Variants in CREBRF observed in about 807,000 individuals in gnomAD.
CREBRF encodes CREB3 regulatory factor, also known as UPF0474 protein C5orf41.
Under a neutral mutation model 66.1 loss-of-function variants are expected in CREBRF, and 5 were observed. The observed-to-expected ratio is 0.08, with a 90% CI of 0.04 to 0.16. The LOEUF (loss-of-function observed/expected upper bound fraction) is 0.16, where lower values mean the gene tolerates loss of function less well. Among genes scored for constraint, CREBRF ranks in the 10% least tolerant of loss-of-function variants. The pLI is 1.00. For synonymous variants in CREBRF, 229 were observed against 264.4 expected (o/e 0.87, Z 1.30); for missense variants, 531 against 744.9 (o/e 0.71, Z 3.34).
chr5:173,129,198 A>C (rs1277680811), intron 8 of CREBRF, among the ~76,000 whole-genome samples: 14 of 119,096 alleles, frequency 1.2e-4, no homozygotes, highest in Non-Finnish European at 1.4e-4. Context: ...CTCACTGCAA[A>C]CTCCACCTCC....
chr5:173,100,078 TTGTGTGTGTGTG>T (rs749558283), intron 4 of CREBRF, among the ~76,000 whole-genome samples: 26 of 69,134 alleles, frequency 3.8e-4, no homozygotes, highest in South Asian at 9.7e-4. Context: ...GGCTAATCTT[TTGTGTGTGTGTG>T]TGTGTGTGTG....
intron 1 of CREBRF, among the ~76,000 whole-genome samples, chr5:173,066,808 C>CTTTTTTTTTTTTTTT (rs34093582): frequency 1.6e-5 from 1 of 63,072 alleles, no homozygotes; most frequent in Non-Finnish European, 2.8e-5. Context: ...TTCATTGAAT[C>CTTTTTTTTTTTTTTT]TTTTTTTTTT....
At chr5:173,093,935 C>A (rs1470762549) in intron 4 of CREBRF, among the ~76,000 whole-genome samples, 5 of 152,148 alleles carry the variant, frequency 3.3e-5, no homozygotes, top group African/African-American at 9.7e-5. Flanking sequence ...ACCCACCAGC[C>A]CCTGGCAACC....
chr5:173,086,147 T>C (rs1208554629), intron 2 of CREBRF: 9 of 783,664 alleles, frequency 1.1e-5, no homozygotes, highest in East Asian at 2.4e-5. Context: ...TCGTGTAGGA[T>C]ATCAGGAGAC....
At chr5:173,105,225 A>ATGTGTGTGTGTG (rs34768667) in intron 4 of CREBRF, among the ~76,000 whole-genome samples, 2 of 146,546 alleles carry the variant, frequency 1.4e-5, no homozygotes, top group South Asian at 2.2e-4. Flanking sequence ...GTGTGTATAT[A>ATGTGTGTGTGTG]TGTGTGTGTG....
At chr5:173,118,522 A>G (rs982350899) in intron 7 of CREBRF, among the ~76,000 whole-genome samples, 2 of 151,820 alleles carry the variant, frequency 1.3e-5, no homozygotes, top group Admixed American at 1.3e-4. Flanking sequence ...CAATTTTTGC[A>G]TATGGTATAA....
At chr5:173,083,211 C>A (rs1021096778) in intron 2 of CREBRF, among the ~76,000 whole-genome samples, 34 of 149,652 alleles carry the variant, frequency 2.3e-4, no homozygotes, top group Middle Eastern at 3.4e-3. Flanking sequence ...TCTGTCTCTC[C>A]AAAAAAAAAT....
rs762609919 is a variant in CREBRF, at chr5:173,123,132, A to G, written c.1734A>G (p.Val578=). Residue 578 remains valine (V), a synonymous_variant, in exon 8 of 9, where the codon GTA becomes GTG. Transcript: ENST00000296953. ...NSIKQEIVNR[V]QNPRDERGPN... ...TCAAGCAAGAGATTGTAAACCGGGT[A>G]CAGAATCCAAGAGATGAGAGAGGAC... is the stretch of plus-strand genomic sequence containing the variant. 28 of 1,607,360 alleles carry G rather than the reference A, an allele frequency of 1.7e-5. No homozygotes were observed. In the South Asian group the frequency reaches 2.5e-4, roughly 14 times the overall value.
At chr5:173,116,937 G>A (rs1759003876) in intron 7 of CREBRF, among the ~76,000 whole-genome samples, 1 of 151,232 alleles carries the variant, frequency 6.6e-6, no homozygotes, top group Non-Finnish European at 1.5e-5. Flanking sequence ...GTGTGTGATG[G>A]TATCTCATTG....
chr5:173,112,224 C>A, intron 6 of CREBRF, 82 bp from the exon 7 acceptor site: 1 of 971,526 alleles, frequency 1.0e-6, no homozygotes, highest in Non-Finnish European at 1.5e-6. Flanking sequence ...GGCAACATAG[C>A]GAGACCCCTT....
chr5:173,094,483 A>G (rs1282520544), intron 4 of CREBRF, among the ~76,000 whole-genome samples: 1 of 152,162 alleles, frequency 6.6e-6, no homozygotes, highest in African/African-American at 2.4e-5. Flanking sequence ...CCATGCCGAC[A>G]GGTATGAGGT....
chr5:173,059,216 G>A (rs866135167), intron 1 of CREBRF, among the ~76,000 whole-genome samples: 21 of 149,198 alleles, frequency 1.4e-4, no homozygotes, highest in African/African-American at 4.4e-4. Context: ...AACTTTTGCA[G>A]TAAATAAGGG....
In CREBRF at chr5:173,112,468, G is replaced by C. The variant is rs547967340; in HGVS notation, c.1681+89G>C. On this transcript the variant is annotated intron_variant, in intron 7 of 8. Transcript: ENST00000296953. ...CTTTGGTTTGTGATTTGCTTTCGCT[G>C]TATTCTGCCTAGTTTTTGGCTAGCC... 701 of 915,274 alleles carry C rather than the reference G, an allele frequency of 7.7e-4. 1 individual carries two copies. The highest frequency in any genetic ancestry group is 1.1e-3 in the Non-Finnish European group (634 of 590,998). 56.7% of individuals were successfully genotyped at this position (915,274 alleles called of 1,614,324 possible). A position where few individuals can be genotyped will look rare whatever the true frequency, so the allele number is the denominator to read the frequency against.
chr5:173,120,626 C>T (rs1410022625), intron 7 of CREBRF, among the ~76,000 whole-genome samples: 1 of 150,790 alleles, frequency 6.6e-6, no homozygotes, highest in African/African-American at 2.4e-5. Context: ...AGTGATCCAC[C>T]CATCTCGGCC....
At chr5:173,096,731 C>T (rs568792179) in intron 4 of CREBRF, among the ~76,000 whole-genome samples, 10 of 151,678 alleles carry the variant, frequency 6.6e-5, no homozygotes, top group East Asian at 1.9e-4. Flanking sequence ...TGTTGAGGTA[C>T]GTTCCTTTTA....
chr5:173,072,315 G>T (rs532790729), intron 1 of CREBRF, among the ~76,000 whole-genome samples: 3 of 150,992 alleles, frequency 2.0e-5, no homozygotes, highest in Non-Finnish European at 2.9e-5. Flanking sequence ...TTGCTCTGTC[G>T]CCCAGGCTGG....
intron 1 of CREBRF, among the ~76,000 whole-genome samples, chr5:173,072,911 G>T (rs766123153): frequency 2.0e-5 from 3 of 152,162 alleles, no homozygotes; most frequent in Non-Finnish European, 4.4e-5. Flanking sequence ...TTGTTAAAAA[G>T]AATTGGTATG....
At chr5:173,113,757 G>A (rs1490485372) in intron 7 of CREBRF, among the ~76,000 whole-genome samples, 2 of 152,170 alleles carry the variant, frequency 1.3e-5, no homozygotes, top group African/African-American at 4.8e-5. Context: ...AGAGTAGGCT[G>A]CTCATGGGAG....
intron 1 of CREBRF, among the ~76,000 whole-genome samples, chr5:173,070,597 C>T (rs1251058462): frequency 1.3e-5 from 2 of 152,022 alleles, no homozygotes; most frequent in Non-Finnish European, 2.9e-5. Context: ...TCTACTTCTT[C>T]CTCTGTCCTC....
Sources: gnomAD v4.1 joint callset for allele counts (sites outside exome capture counted in the v4.1 genomes callset) on GRCh38, gnomAD v4.1.1 for gene constraint, MANE v1.5 for transcripts, NCBI Gene and HGNC (gene_info 2026-07-23, HGNC 2026-07-21) for gene names.